SYNDIG1: variants seen among roughly 807,000 people sequenced by gnomAD.
SYNDIG1 encodes synapse differentiation inducing 1, also known as synapse differentiation-inducing gene protein 1.
A neutral mutation model predicts 19.4 loss-of-function variants in SYNDIG1; 9 were observed. The observed-to-expected ratio is 0.46, with a 90% CI of 0.28 to 0.81. The LOEUF (loss-of-function observed/expected upper bound fraction) is 0.81, where lower values mean the gene tolerates loss of function less well. SYNDIG1 is among the 30% of genes least tolerant of loss of function. The probability of loss-of-function intolerance (pLI) is 0.12; values close to 1 mark genes in which losing one functional copy is unlikely to be tolerated. For synonymous variants in SYNDIG1, 141 were observed against 145.9 expected (o/e 0.97, Z 0.24); for missense variants, 311 against 343.3 (o/e 0.91, Z 0.74).
rs575005063 is a variant in SYNDIG1 at position 24,470,684 on chromosome 20, T to A, written c.-79+931T>A. On this transcript the variant is annotated intron_variant, in intron 1 of 3. Coordinates refer to ENST00000376862, the MANE Select transcript of SYNDIG1 (RefSeq NM_024893.3). Reference sequence around the variant, plus strand: ...TTGCAAGACCCTACTAGAGTGGCTCTGGCAGCCGAGCTTTGAGGAGGCGGC... The same window carrying A: ...TTGCAAGACCCTACTAGAGTGGCTCAGGCAGCCGAGCTTTGAGGAGGCGGC... Among the ~76,000 whole-genome samples, 27 of 152,310 alleles carry A rather than the reference T, an allele frequency of 1.8e-4. 1 individual carries two copies. The Middle Eastern group carries it at 0.01, about 58-fold the overall frequency.
At chr20:24,650,938 C>G (rs1343444284) in intron 3 of SYNDIG1, among the ~76,000 whole-genome samples, 1 of 152,112 alleles carries the variant, frequency 6.6e-6, no homozygotes, top group Non-Finnish European at 1.5e-5. Flanking sequence ...AGGGCTCAAG[C>G]AATTCTCCTG....
chr20:24,545,142 G>C (rs559742581), intron 2 of SYNDIG1, among the ~76,000 whole-genome samples: 1 of 152,170 alleles, frequency 6.6e-6, no homozygotes, highest in Non-Finnish European at 1.5e-5. Flanking sequence ...GAGATCCAGC[G>C]TTAGTCAGGA....
chr20:24,518,366 G>T (rs2056932548), intron 1 of SYNDIG1, among the ~76,000 whole-genome samples: 1 of 152,068 alleles, frequency 6.6e-6, no homozygotes, highest in African/African-American at 2.4e-5. Context: ...AGGCAGTGGA[G>T]GAGCTGTCAG....
At chr20:24,661,297 AGGAG>A (rs1242337843) in intron 3 of SYNDIG1, among the ~76,000 whole-genome samples, 29 of 131,060 alleles carry the variant, frequency 2.2e-4, no homozygotes, top group Non-Finnish European at 2.0e-4. Context: ...AGAAGAAAGA[AGGAG>A]GGAGGGAGGA....
chr20:24,619,679 A>G (rs2059008303), intron 3 of SYNDIG1, among the ~76,000 whole-genome samples: 1 of 152,258 alleles, frequency 6.6e-6, no homozygotes, highest in South Asian at 2.1e-4. Flanking sequence ...TTGCCACTAT[A>G]TAATAGCATA....
At chr20:24,612,773 C>T (rs1399812453) in intron 3 of SYNDIG1, among the ~76,000 whole-genome samples, 3 of 152,208 alleles carry the variant, frequency 2.0e-5, no homozygotes, top group Non-Finnish European at 4.4e-5. Flanking sequence ...GTCAAGAACT[C>T]AGGGTCGGAG....
At chr20:24,633,943 A>G (rs1471378335) in intron 3 of SYNDIG1, among the ~76,000 whole-genome samples, 2 of 152,182 alleles carry the variant, frequency 1.3e-5, no homozygotes, top group African/African-American at 4.8e-5. Flanking sequence ...TGCATCCGCC[A>G]AACTCTGCCT....
In SYNDIG1 at chr20:24,600,425, C is replaced by G. The variant is rs533049365; in HGVS notation, c.618+15432C>G. Among the ~76,000 whole-genome samples, 3 of 152,242 alleles carry G rather than the reference C, an allele frequency of 2.0e-5. No homozygotes were observed. In the South Asian group the frequency reaches 6.2e-4, roughly 32 times the overall value. On this transcript the variant is annotated intron_variant, in intron 3 of 3. Transcript: ENST00000376862. ...ACCATCACCCAGGTCAGGAATGTCC[C>G]TGGGACCCCCAGGGTAGAAGGACTA...
At chr20:24,647,072 C>T (rs1224418548) in intron 3 of SYNDIG1, among the ~76,000 whole-genome samples, 5 of 152,182 alleles carry the variant, frequency 3.3e-5, no homozygotes, top group Non-Finnish European at 5.9e-5. Context: ...CTTTTTCTCT[C>T]GAGTTCAATA....
chr20:24,504,280 C>T (rs1304847593), intron 1 of SYNDIG1, among the ~76,000 whole-genome samples: 2 of 152,200 alleles, frequency 1.3e-5, no homozygotes, highest in Non-Finnish European at 1.5e-5. Flanking sequence ...TTATGCTTTG[C>T]GGACTTTCAT....
intron 1 of SYNDIG1, among the ~76,000 whole-genome samples, chr20:24,506,691 T>C (rs999118481): frequency 6.6e-6 from 1 of 152,088 alleles, no homozygotes; most frequent in Non-Finnish European, 1.5e-5. Flanking sequence ...TCCCATGGGT[T>C]CCCTCTGGTT....
chr20:24,570,847 G>T (rs1377758498), intron 2 of SYNDIG1, among the ~76,000 whole-genome samples: 1 of 152,186 alleles, frequency 6.6e-6, no homozygotes, highest in African/African-American at 2.4e-5. Context: ...TCTATAACAT[G>T]TATTTCTAAT....
intron 2 of SYNDIG1, among the ~76,000 whole-genome samples, chr20:24,580,310 C>A (rs1269824996): frequency 6.6e-6 from 1 of 152,160 alleles, no homozygotes; most frequent in Non-Finnish European, 1.5e-5. Context: ...ATGATGCCCA[C>A]AACCATTTAT....
intron 2 of SYNDIG1, among the ~76,000 whole-genome samples, chr20:24,574,840 G>T (rs970379368): frequency 1.3e-5 from 2 of 152,102 alleles, no homozygotes; most frequent in Non-Finnish European, 2.9e-5. Flanking sequence ...CATTTCATTC[G>T]GCTCCTGCTT....
intron 1 of SYNDIG1, among the ~76,000 whole-genome samples, chr20:24,482,329 A>G (rs1464127427): frequency 6.6e-6 from 1 of 152,116 alleles, no homozygotes; most frequent in Non-Finnish European, 1.5e-5. Context: ...TCAGCCTCCC[A>G]AAGTGCTGGG....
chr20:24,486,281 C>G (rs548450544), intron 1 of SYNDIG1, among the ~76,000 whole-genome samples: 1 of 152,184 alleles, frequency 6.6e-6, no homozygotes, highest in African/African-American at 2.4e-5. Context: ...GGTGGCAACC[C>G]CCTTGCCTGG....
At chr20:24,552,276 G>C (rs2057720270) in intron 2 of SYNDIG1, among the ~76,000 whole-genome samples, 1 of 152,092 alleles carries the variant, frequency 6.6e-6, no homozygotes, top group Admixed American at 6.6e-5. Flanking sequence ...GCCAATCACT[G>C]AGACGATTAT....
chr20:24,488,336 G>A (rs533000388), intron 1 of SYNDIG1, among the ~76,000 whole-genome samples: 6 of 152,338 alleles, frequency 3.9e-5, no homozygotes, highest in East Asian at 3.9e-4. Context: ...CCAAACAGAC[G>A]TTTCCCATTT....
rs111948501 is a variant in SYNDIG1, at chr20:24,547,526, G to A, written c.480+3949G>A. 8.6e-3 allele frequency among the ~76,000 whole-genome samples: 1,304 copies of A among 152,238 alleles called. 21 individuals carry two copies. Among genetic ancestry groups the A allele is most frequent in the African/African-American group, 0.029 (1,223 of 41,528 alleles). On this transcript the variant is annotated intron_variant, in intron 2 of 3. Transcript: ENST00000376862. ...ATGTAGGGGACCTCTGGGGCTTTGC[G>A]GGAGTGCAGAGGTGCCATGCCGCTC...
Sources: allele counts gnomAD v4.1 joint callset (sites outside exome capture counted in the v4.1 genomes callset), GRCh38; gene constraint gnomAD v4.1.1; transcripts MANE v1.5; gene names NCBI Gene and HGNC (gene_info 2026-07-23, HGNC 2026-07-21).